DPYD: variants seen among roughly 807,000 people sequenced by gnomAD.
DPYD encodes the protein dihydropyrimidine dehydrogenase [NADP(+)].
A neutral mutation model predicts 116.2 loss-of-function variants in DPYD; 109 were observed. That is an observed-to-expected ratio of 0.94 (90% CI 0.80 to 1.10). The LOEUF is 1.10. Among genes scored for constraint, DPYD ranks in the 50% least tolerant of loss-of-function variants. The probability of loss-of-function intolerance (pLI) is 0.00; values close to 1 mark genes in which losing one functional copy is unlikely to be tolerated. For missense variants in DPYD, 1,302 were observed against 1,254.5 expected (o/e 1.04, Z -0.57); for synonymous variants, 440 against 432.0 (o/e 1.02, Z -0.23).
At chr1:97,467,396 T>C (rs371598681) in intron 13 of DPYD, among the ~76,000 whole-genome samples, 2 of 152,360 alleles carry the variant, frequency 1.3e-5, no homozygotes, top group African/African-American at 4.8e-5. Context: ...ACCTATGAAC[T>C]GTAAGCCCCC....
intron 2 of DPYD, among the ~76,000 whole-genome samples, chr1:97,841,850 G>C (rs1670053029): frequency 6.6e-6 from 1 of 151,858 alleles, no homozygotes; most frequent in Non-Finnish European, 1.5e-5. Context: ...TATTAAAATA[G>C]AATGCAATCT....
At chr1:97,572,329 C>T (rs1445590708) in intron 11 of DPYD, among the ~76,000 whole-genome samples, 2 of 151,906 alleles carry the variant, frequency 1.3e-5, no homozygotes, top group East Asian at 1.9e-4. Context: ...TGCGCGCACA[C>T]ACACACAAGC....
intron 14 of DPYD, among the ~76,000 whole-genome samples, chr1:97,413,716 C>T (rs1674140178): frequency 6.6e-6 from 1 of 152,058 alleles, no homozygotes; most frequent in Non-Finnish European, 1.5e-5. Flanking sequence ...TCAAACAATC[C>T]TCCCACCTCA....
Position 97,385,538 on chromosome 1 carries a change from A to AC in DPYD, c.1906-3078dup, listed in dbSNP as rs970321571. ...AAATTTTTTTCTTAAAAAAAAAAAA[A>AC]CAAAATAAAACAATAACAACAACAA... On this transcript the variant is annotated intron_variant, in intron 14 of 22. Coordinates refer to ENST00000370192, the MANE Select transcript of DPYD (RefSeq NM_000110.4). Among the ~76,000 whole-genome samples the AC allele has an allele frequency of 1.8e-4, 26 of 147,968 alleles. 1 individual carries two copies. Among genetic ancestry groups the AC allele is most frequent in the Non-Finnish European group, 2.4e-4 (16 of 66,466 alleles).
At chr1:97,662,135 G>A (rs1180793360) in intron 8 of DPYD, among the ~76,000 whole-genome samples, 1 of 150,726 alleles carries the variant, frequency 6.6e-6, no homozygotes, top group South Asian at 2.1e-4. Flanking sequence ...CTAGTAGCTG[G>A]GACTACAGGC....
chr1:97,345,133 C>T (rs1484078998), intron 16 of DPYD, among the ~76,000 whole-genome samples: 4 of 151,844 alleles, frequency 2.6e-5, no homozygotes, highest in East Asian at 1.9e-4. Context: ...ATTGTCTATC[C>T]ATTTTTAAAA....
chr1:97,513,798 A>T (rs1314373558), intron 13 of DPYD, among the ~76,000 whole-genome samples: 1 of 151,856 alleles, frequency 6.6e-6, no homozygotes, highest in Non-Finnish European at 1.5e-5. Context: ...GTAATTATAT[A>T]TTCACAAATT....
At chr1:97,276,443 TAAAC>T (rs1486554244) in intron 18 of DPYD, among the ~76,000 whole-genome samples, 4 of 151,810 alleles carry the variant, frequency 2.6e-5, no homozygotes, top group African/African-American at 7.3e-5. Context: ...ATAAGAAACT[TAAAC>T]AAGTCAACCA....
chr1:97,726,463 T>C (rs1663267556), intron 4 of DPYD, among the ~76,000 whole-genome samples: 1 of 151,588 alleles, frequency 6.6e-6, no homozygotes, highest in South Asian at 2.1e-4. Context: ...ACTGATCTCT[T>C]CACTTAGTAA....
chr1:97,857,823 A>G (rs998961518), intron 2 of DPYD, among the ~76,000 whole-genome samples: 1 of 152,026 alleles, frequency 6.6e-6, no homozygotes, highest in Non-Finnish European at 1.5e-5. Flanking sequence ...ACTTGATACT[A>G]GTGTCTGAAA....
intron 16 of DPYD, among the ~76,000 whole-genome samples, chr1:97,353,493 T>C (rs964837586): frequency 1.3e-5 from 2 of 152,124 alleles, no homozygotes; most frequent in African/African-American, 4.8e-5. Flanking sequence ...TCCAGAGCAG[T>C]TTCTTAATCT....
intron 8 of DPYD, among the ~76,000 whole-genome samples, chr1:97,665,220 T>A (rs978862090): frequency 3.3e-5 from 5 of 152,130 alleles, no homozygotes; most frequent in Non-Finnish European, 7.4e-5. Context: ...AAAACAAACA[T>A]GCACACAAAA....
At chr1:97,896,738 T>C (rs1256873931) in intron 1 of DPYD, among the ~76,000 whole-genome samples, 1 of 151,918 alleles carries the variant, frequency 6.6e-6, no homozygotes, top group African/African-American at 2.4e-5. Context: ...TTAAGCACCA[T>C]TAATCTACTT....
At chr1:97,353,043 A>G (rs973177444) in intron 16 of DPYD, among the ~76,000 whole-genome samples, 15 of 152,304 alleles carry the variant, frequency 9.8e-5, no homozygotes, top group African/African-American at 2.6e-4. Flanking sequence ...GAACTGTCAG[A>G]CACAAAACCC....
At chr1:97,158,134 GT>G (rs1655622719) in intron 20 of DPYD, among the ~76,000 whole-genome samples, 1 of 151,924 alleles carries the variant, frequency 6.6e-6, no homozygotes, top group African/African-American at 2.4e-5. Flanking sequence ...TGATTGTAGG[GT>G]TTTCTCTTTA....
chr1:97,661,990 C>CTTTTT (rs374466952), intron 8 of DPYD, among the ~76,000 whole-genome samples: 6 of 116,630 alleles, frequency 5.1e-5, no homozygotes, highest in Non-Finnish European at 7.1e-5. Context: ...TCCAAGTCAA[C>CTTTTT]TTTTTTTTTT....
At chr1:97,880,165 A>G (rs1672132619) in intron 2 of DPYD, among the ~76,000 whole-genome samples, 1 of 151,948 alleles carries the variant, frequency 6.6e-6, no homozygotes, top group African/African-American at 2.4e-5. Flanking sequence ...CAATGTAGTG[A>G]CTATTTTAAA....
chr1:97,127,473 C>T (rs1340786016), intron 20 of DPYD, among the ~76,000 whole-genome samples: 1 of 152,080 alleles, frequency 6.6e-6, no homozygotes, highest in Non-Finnish European at 1.5e-5. Flanking sequence ...TACCTAACTC[C>T]TTTTTCTATG....
chr1:97,450,221 G>A lies in DPYD; in HGVS notation c.1743C>T (p.Asp581=), dbSNP rs555178721. ...ALTKTFSLDK[D]IVTNVSPRII... ...TTCTGGGGGAAACATTTGTCACAAT[G>A]TCCTGATGAAAGAGTAAAGATATTG... Residue 581 remains aspartate (D), a splice_region_variant and synonymous_variant, in exon 14 of 23, where the codon GAC becomes GAT. Coordinates refer to ENST00000370192, the MANE Select transcript of DPYD (RefSeq NM_000110.4). The A allele has an allele frequency of 1.1e-5, 18 of 1,613,444 alleles. No individual in the cohort carries two copies. The East Asian group carries it at 2.5e-4, about 22-fold the overall frequency.
Sources: allele counts gnomAD v4.1 joint callset (sites outside exome capture counted in the v4.1 genomes callset), GRCh38; gene constraint gnomAD v4.1.1; transcripts MANE v1.5; gene names NCBI Gene and HGNC (gene_info 2026-07-23, HGNC 2026-07-21).